The following MYO16 variants were observed in gnomAD, a reference collection of about 807,000 sequenced individuals.
The protein encoded by MYO16 is unconventional myosin-XVI.
MYO16 carries 94 observed loss-of-function variants against 205.3 expected under a neutral mutation model. The ratio of observed to expected loss-of-function variants is 0.46; its 90% CI spans 0.39 to 0.54. The LOEUF (loss-of-function observed/expected upper bound fraction) is 0.54. Ranked by LOEUF, MYO16 falls within the 20% of genes least tolerant of loss-of-function variation. The probability of loss-of-function intolerance (pLI) is 0.00; values close to 1 mark genes in which losing one functional copy is unlikely to be tolerated. For missense variants in MYO16, 2,315 were observed against 2,387.5 expected, an observed-to-expected ratio of 0.97 and a Z score of 0.63; for synonymous variants, 988 against 954.0, an observed-to-expected ratio of 1.04 and a Z score of -0.66.
intron 21 of MYO16, among the ~76,000 whole-genome samples, chr13:108,999,283 T>G (rs1173021715): frequency 1.3e-5 from 2 of 152,382 alleles, no homozygotes; most frequent in South Asian, 4.1e-4. Context: ...ATCATACATG[T>G]GTTAAATATC....
chr13:109,067,870 C>A (rs916035556), intron 27 of MYO16, among the ~76,000 whole-genome samples: 2 of 152,066 alleles, frequency 1.3e-5, no homozygotes, highest in Non-Finnish European at 2.9e-5. Context: ...AAAGCGATGT[C>A]TACAAATGAA....
chr13:108,549,296 A>AG, the MYO16 span, among the ~76,000 whole-genome samples: 1 of 152,156 alleles, frequency 6.6e-6, no homozygotes, highest in Non-Finnish European at 1.5e-5. Flanking sequence ...CTGGTTTTGA[A>AG]GGGGAAAAAG....
At chr13:108,868,242 T>C (rs1293259366) in intron 12 of MYO16, among the ~76,000 whole-genome samples, 2 of 152,208 alleles carry the variant, frequency 1.3e-5, no homozygotes, top group Non-Finnish European at 2.9e-5. Context: ...GTGGTTGTAC[T>C]AAGGTATATC....
At chr13:108,642,918 A>C (rs1594169215) in intron 1 of MYO16, among the ~76,000 whole-genome samples, 3 of 152,318 alleles carry the variant, frequency 2.0e-5, no homozygotes. Flanking sequence ...GATTTATTTC[A>C]ACACTTTGCC....
chr13:108,684,324 G>T (rs896269390), intron 2 of MYO16, among the ~76,000 whole-genome samples: 1 of 152,182 alleles, frequency 6.6e-6, no homozygotes, highest in Non-Finnish European at 1.5e-5. Flanking sequence ...GCAAGCCTGG[G>T]TTAGTTTGGA....
chr13:108,894,397 A>C (rs947313504), intron 14 of MYO16, among the ~76,000 whole-genome samples: 1 of 152,178 alleles, frequency 6.6e-6, no homozygotes, highest in African/African-American at 2.4e-5. Context: ...ATCATTGTTA[A>C]AATTAAAGAT....
intron 16 of MYO16, among the ~76,000 whole-genome samples, chr13:108,938,762 G>A (rs1174186592): frequency 6.6e-6 from 1 of 152,242 alleles, no homozygotes; most frequent in African/African-American, 2.4e-5. Flanking sequence ...TCTATGTTCA[G>A]GTAAGGTGCG....
At chr13:108,870,075 T>A (rs1363038819) in intron 12 of MYO16, among the ~76,000 whole-genome samples, 1 of 151,870 alleles carries the variant, frequency 6.6e-6, no homozygotes, top group Admixed American at 6.6e-5. Flanking sequence ...ATACCAGTTA[T>A]CAGATTAAGG....
chr13:109,020,839 C>T (rs1020058450), intron 23 of MYO16, among the ~76,000 whole-genome samples: 11 of 152,288 alleles, frequency 7.2e-5, no homozygotes, highest in African/African-American at 2.4e-4. Context: ...TTTCTAGACT[C>T]TGCCTTATGA....
chr13:108,898,351 AGTGTGTGTGTGTGT>A (rs3042037), intron 15 of MYO16, among the ~76,000 whole-genome samples: 215 of 145,092 alleles, frequency 1.5e-3, no homozygotes, highest in African/African-American at 5.0e-3. Context: ...AGGGTGTGTG[AGTGTGTGTGTGTGT>A]GTGTGTGTGT....
At chr13:108,679,206 T>C (rs1024499331) in intron 2 of MYO16, among the ~76,000 whole-genome samples, 1 of 152,154 alleles carries the variant, frequency 6.6e-6, no homozygotes, top group Admixed American at 6.5e-5. Context: ...TGGATCACCA[T>C]TTGCATCTGT....
At chr13:108,604,879 A>G (rs905146189) in intron 1 of MYO16, among the ~76,000 whole-genome samples, 4 of 152,164 alleles carry the variant, frequency 2.6e-5, no homozygotes, top group African/African-American at 9.7e-5. Context: ...TGGGTACCAT[A>G]TTATTGAGTA....
chr13:108,971,349 T>TTATATATATATATATA (rs60564701), intron 20 of MYO16, among the ~76,000 whole-genome samples: 27 of 144,278 alleles, frequency 1.9e-4, no homozygotes, highest in Admixed American at 4.1e-4. Flanking sequence ...TGTGTGTTGA[T>TTATATATATATATATA]TATATATATA....
chr13:109,089,296 C>T (rs1888545506), intron 27 of MYO16, among the ~76,000 whole-genome samples: 1 of 151,978 alleles, frequency 6.6e-6, no homozygotes, highest in South Asian at 2.1e-4. Flanking sequence ...TCACTGCAGC[C>T]TCCACCTCCT....
chr13:108,533,419 A>T, the MYO16 span, among the ~76,000 whole-genome samples: 1 of 152,190 alleles, frequency 6.6e-6, no homozygotes, highest in Non-Finnish European at 1.5e-5. Flanking sequence ...CCATCATATG[A>T]TTAGGTTACA....
chr13:108,574,694 TGTGTGTGTGTGTGTGC>T, the MYO16 span, among the ~76,000 whole-genome samples: 45 of 133,850 alleles, frequency 3.4e-4, no homozygotes, highest in African/African-American at 1.0e-3. Context: ...TGTGTGTGTG[TGTGTGTGTGTGTGTGC>T]GCTTGTGTGT....
chr13:108,848,352 T>C (rs1877633071), intron 10 of MYO16, among the ~76,000 whole-genome samples: 1 of 152,218 alleles, frequency 6.6e-6, no homozygotes, highest in Non-Finnish European at 1.5e-5. Flanking sequence ...TGCAAAATAA[T>C]GTGTTATGTT....
intron 10 of MYO16, among the ~76,000 whole-genome samples, chr13:108,849,730 CTT>C (rs1172926224): frequency 8.6e-5 from 11 of 128,138 alleles, no homozygotes; most frequent in South Asian, 2.5e-4. Flanking sequence ...TGAATTTCCT[CTT>C]TTTTTTTTTT....
At chr13:108,767,572 TGG>T (rs1885822636) in intron 4 of MYO16, among the ~76,000 whole-genome samples, 11 of 152,280 alleles carry the variant, frequency 7.2e-5, no homozygotes, top group African/African-American at 2.4e-4. Context: ...CTCAGTATTC[TGG>T]GAATACCATT....
Sources: allele counts gnomAD v4.1 joint callset (sites outside exome capture counted in the v4.1 genomes callset), GRCh38; gene constraint gnomAD v4.1.1; transcripts MANE v1.5; gene names NCBI Gene and HGNC (gene_info 2026-07-23, HGNC 2026-07-21).